Variants in TNKS observed in about 807,000 individuals in gnomAD.
TNKS encodes poly [ADP-ribose] polymerase tankyrase-1.
In TNKS, 72 loss-of-function variants were observed where a neutral mutation model predicts 135.8. The ratio of observed to expected loss-of-function variants is 0.53; its 90% CI spans 0.44 to 0.64. The LOEUF (loss-of-function observed/expected upper bound fraction) is 0.64. Ranked by LOEUF, TNKS falls within the 30% of genes least tolerant of loss-of-function variation. TNKS has a pLI of 0.00. For synonymous variants in TNKS, 849 were observed against 649.3 expected, an observed-to-expected ratio of 1.31 and a Z score of -4.68; for missense variants, 1,769 against 1,674.0, an observed-to-expected ratio of 1.06 and a Z score of -0.99.
chr8:9,621,517 G>T (rs546384942), intron 3 of TNKS, among the ~76,000 whole-genome samples: 2 of 152,246 alleles, frequency 1.3e-5, no homozygotes, highest in Admixed American at 1.3e-4. Context: ...TGTTGGTCAG[G>T]CTAGTCTCGA....
chr8:9,557,801 T>C (rs368383815), intron 1 of TNKS: 6 of 152,318 alleles, frequency 3.9e-5, no homozygotes, highest in East Asian at 1.9e-4. Context: ...TTGGGAGATA[T>C]GATTAACCAT....
chr8:9,559,808 A>G (rs1797254084), intron 1 of TNKS, among the ~76,000 whole-genome samples: 1 of 152,222 alleles, frequency 6.6e-6, no homozygotes, highest in African/African-American at 2.4e-5. Context: ...TCTTTCCAGC[A>G]GTAAAATTAA....
At chr8:9,603,092 G>A (rs190632803) in intron 2 of TNKS, among the ~76,000 whole-genome samples, 22 of 150,596 alleles carry the variant, frequency 1.5e-4, no homozygotes, top group African/African-American at 2.9e-4. Flanking sequence ...TCGCTTTATC[G>A]CCCAGGCTGG....
intron 17 of TNKS, chr8:9,740,826 G>GTTGTTTT (rs1554482056): frequency 1.9e-5 from 2 of 103,564 alleles, no homozygotes; most frequent in Non-Finnish European, 3.6e-5. Context: ...AATTCTTGTT[G>GTTGTTTT]TTTTTTTTTT....
In TNKS at chr8:9,720,440, A is replaced by G. The variant is rs905797004; in HGVS notation, c.1816A>G (p.Thr606Ala). 2 of 1,614,152 alleles carry G rather than the reference A, an allele frequency of 1.2e-6. No homozygotes were observed. Among genetic ancestry groups the G allele is most frequent in the African/African-American group, 1.3e-5 (1 of 75,066 alleles). ...HRAALAGHLQ[T>A]CRLLLSYGSD... ...AGCCGCCCTAGCAGGTCACCTGCAG[A>G]CCTGCCGCCTCCTGCTGAGTTACGG... Residue 606 changes from threonine (T) to alanine (A), a missense_variant, in exon 12 of 27, where the codon ACC becomes GCC. Thr to Ala is a moderately conservative substitution (Grantham distance 58). This residue lies in a region of TNKS where 523 missense variants were observed against 541.0 expected (regional missense o/e 0.97). Transcript: ENST00000310430.
chr8:9,560,493 C>CTTTTTTTTTTTTTTTTTTTT (rs535715245), intron 1 of TNKS, among the ~76,000 whole-genome samples: 2 of 42,286 alleles, frequency 4.7e-5, no homozygotes, highest in Non-Finnish European at 8.2e-5. Context: ...CCATACTTGT[C>CTTTTTTTTTTTTTTTTTTTT]TTTTTTTTTT....
intron 3 of TNKS, among the ~76,000 whole-genome samples, chr8:9,626,196 T>A (rs1210655084): frequency 6.6e-6 from 1 of 152,230 alleles, no homozygotes. Flanking sequence ...CCACTTTATA[T>A]GATGTTAACA....
intron 3 of TNKS, among the ~76,000 whole-genome samples, chr8:9,672,861 C>T (rs1454030476): frequency 7.9e-5 from 12 of 151,992 alleles, no homozygotes; most frequent in Admixed American, 7.9e-4. Flanking sequence ...GAGTTCCCTC[C>T]CTCCTTCCGT....
At chr8:9,643,695 T>A (rs112430697) in intron 3 of TNKS, among the ~76,000 whole-genome samples, 2,045 of 152,230 alleles carry the variant, frequency 0.013, 49 homozygotes, top group African/African-American at 0.046. Context: ...GTGTAAGCAC[T>A]ATGGAAAACA....
At chr8:9,688,806 A>C (rs1803129657) in intron 5 of TNKS, among the ~76,000 whole-genome samples, 1 of 151,928 alleles carries the variant, frequency 6.6e-6, no homozygotes, top group African/African-American at 2.4e-5. Flanking sequence ...TACCCAGCTA[A>C]TTTTTTGTAT....
chr8:9,655,350 C>G (rs200179267), intron 3 of TNKS, among the ~76,000 whole-genome samples: 1 of 152,204 alleles, frequency 6.6e-6, no homozygotes, highest in Non-Finnish European at 1.5e-5. Flanking sequence ...AGCAGAAACC[C>G]CTGCAGACTT....
intron 1 of TNKS, among the ~76,000 whole-genome samples, chr8:9,570,966 T>C (rs1797733089): frequency 6.6e-6 from 1 of 152,174 alleles, no homozygotes; most frequent in African/African-American, 2.4e-5. Context: ...AAGACCTGTC[T>C]CTTAAATAAA....
In TNKS at chr8:9,748,099, C is replaced by T. The variant is rs747438517; in HGVS notation, c.2719C>T (p.Leu907Phe). The T allele has an allele frequency of 1.2e-6, 2 of 1,614,150 alleles. No individual in the cohort carries two copies. Among genetic ancestry groups the T allele is most frequent in the Non-Finnish European group, 1.7e-6 (2 of 1,180,024 alleles). ...AACAGATAAGTGGGCGTTTACTCCC[C>T]TCCATGAAGCAGCCCAGAAAGGAAG... ...NATDKWAFTPLHEAAQKGRTQ... is the reference protein window; with the variant it reads ...NATDKWAFTPFHEAAQKGRTQ... The change falls in exon 18 of 27, where the codon CTC becomes TTC. Residue 907 changes from leucine (L) to phenylalanine (F), a missense_variant. Transcript: ENST00000310430.
intron 12 of TNKS, among the ~76,000 whole-genome samples, chr8:9,726,406 T>G (rs1213348937): frequency 6.6e-6 from 1 of 152,124 alleles, no homozygotes; most frequent in East Asian, 1.9e-4. Flanking sequence ...TACATACATA[T>G]GTACATACAT....
chr8:9,631,097 G>A (rs1800271821), intron 3 of TNKS, among the ~76,000 whole-genome samples: 1 of 152,042 alleles, frequency 6.6e-6, no homozygotes, highest in African/African-American at 2.4e-5. Flanking sequence ...GATATTCTTG[G>A]CTAAGTATTA....
chr8:9,677,104 G>A (rs760414415), intron 3 of TNKS, among the ~76,000 whole-genome samples: 1 of 152,180 alleles, frequency 6.6e-6, no homozygotes, highest in Non-Finnish European at 1.5e-5. Flanking sequence ...TATGTTAGCT[G>A]TTCCTGGGAG....
intron 3 of TNKS, among the ~76,000 whole-genome samples, chr8:9,639,329 G>T (rs532212963): frequency 6.6e-6 from 1 of 152,200 alleles, no homozygotes; most frequent in East Asian, 1.9e-4. Flanking sequence ...TTAAACATAA[G>T]GAGAGTAGCT....
intron 3 of TNKS, among the ~76,000 whole-genome samples, chr8:9,630,570 A>T (rs1346568809): frequency 6.6e-6 from 1 of 152,236 alleles, no homozygotes; most frequent in East Asian, 1.9e-4. Flanking sequence ...AACCCCAGCA[A>T]ATCCCCATCA....
chr8:9,692,221 G>A (rs914776290), intron 5 of TNKS, among the ~76,000 whole-genome samples: 2 of 152,076 alleles, frequency 1.3e-5, no homozygotes, highest in African/African-American at 2.4e-5. Flanking sequence ...AGCAGTCCCC[G>A]GTGCCTGTTT....
Sources: gnomAD v4.1 joint callset for allele counts (sites outside exome capture counted in the v4.1 genomes callset) on GRCh38, gnomAD v4.1.1 for gene constraint, gnomAD v4.1.1 regional missense constraint, MANE v1.5 for transcripts, NCBI Gene and HGNC (gene_info 2026-07-23, HGNC 2026-07-21) for gene names.